ADRA1B: variants seen among roughly 807,000 people sequenced by gnomAD.
ADRA1B encodes the protein alpha-1B adrenergic receptor.
A neutral mutation model predicts 17.9 loss-of-function variants in ADRA1B; 17 were observed. The ratio of observed to expected loss-of-function variants is 0.95; its 90% CI spans 0.65 to 1.42. ADRA1B has a LOEUF of 1.42. ADRA1B is among the 40% of genes most tolerant of loss of function. The pLI is 0.00. For missense variants in ADRA1B, 681 were observed against 722.1 expected (o/e 0.94, Z 0.65); for synonymous variants, 366 against 327.6 (o/e 1.12, Z -1.27).
chr5:159,910,870 T>C (rs938233926), intron 1 of ADRA1B, among the ~76,000 whole-genome samples: 1 of 152,184 alleles, frequency 6.6e-6, no homozygotes, highest in African/African-American at 2.4e-5. Flanking sequence ...CCTATTGCCA[T>C]AGGTATTTTT....
At chr5:159,950,465 T>A (rs1302966907) in intron 1 of ADRA1B, 4 of 1,201,170 alleles carry the variant, frequency 3.3e-6, no homozygotes, top group Non-Finnish European at 4.9e-6. Context: ...CCTCTCATGC[T>A]CTCACTGGGG....
At chr5:159,982,249 T>C in the ADRA1B span, among the ~76,000 whole-genome samples, 1 of 152,236 alleles carries the variant, frequency 6.6e-6, no homozygotes, top group Non-Finnish European at 1.5e-5. Context: ...ACCTAACAGG[T>C]GCCCTAGAAA....
At chr5:159,904,095 G>A (rs62377664) in intron 1 of ADRA1B, among the ~76,000 whole-genome samples, 49,798 of 152,164 alleles carry the variant, frequency 0.33, 10,025 homozygotes, top group Non-Finnish European at 0.46. Flanking sequence ...TCTTTCCATA[G>A]TTTTGCAATG....
At chr5:159,978,098 A>T in the ADRA1B span, among the ~76,000 whole-genome samples, 1 of 151,894 alleles carries the variant, frequency 6.6e-6, no homozygotes, top group African/African-American at 2.4e-5. Flanking sequence ...TATATTTTTT[A>T]AATTTATTTA....
At chr5:159,947,554 G>T (rs571750334) in intron 1 of ADRA1B, 1 of 238,220 alleles carries the variant, frequency 4.2e-6, no homozygotes, top group Non-Finnish European at 6.8e-6. Flanking sequence ...TCAATACTTG[G>T]TTGTTGCAAT....
chr5:159,882,616 G>C (rs141818745), intron 1 of ADRA1B, among the ~76,000 whole-genome samples: 59 of 152,282 alleles, frequency 3.9e-4, no homozygotes, highest in Non-Finnish European at 7.1e-4. Flanking sequence ...TCTTCCACCT[G>C]CAGCAAAGCG....
At chr5:159,923,627 C>T (rs965981313) in intron 1 of ADRA1B, among the ~76,000 whole-genome samples, 7 of 152,272 alleles carry the variant, frequency 4.6e-5, no homozygotes, top group African/African-American at 1.7e-4. Context: ...ATGCGAGGAA[C>T]AATCTGCCAG....
chr5:159,888,878 C>CT (rs1753953913), intron 1 of ADRA1B, among the ~76,000 whole-genome samples: 1 of 152,242 alleles, frequency 6.6e-6, no homozygotes, highest in Admixed American at 6.5e-5. Flanking sequence ...TTTACCTGAA[C>CT]TTCGGCTTAC....
chr5:159,983,222 A>G, the ADRA1B span, among the ~76,000 whole-genome samples: 2 of 152,136 alleles, frequency 1.3e-5, no homozygotes, highest in African/African-American at 4.8e-5. Flanking sequence ...GGACTTCCCT[A>G]TCCCAACCAG....
chr5:159,891,754 G>A (rs548982688), intron 1 of ADRA1B, among the ~76,000 whole-genome samples: 1 of 152,298 alleles, frequency 6.6e-6, no homozygotes, highest in East Asian at 1.9e-4. Context: ...CATGCAACAA[G>A]GGCAAAGTGG....
intron 1 of ADRA1B, among the ~76,000 whole-genome samples, chr5:159,952,305 G>A (rs1305489473): frequency 6.6e-6 from 1 of 152,066 alleles, no homozygotes; most frequent in Non-Finnish European, 1.5e-5. Context: ...ATGAGGTTAA[G>A]AATAATAATA....
At chr5:159,908,546 C>T (rs1406200454) in intron 1 of ADRA1B, among the ~76,000 whole-genome samples, 1 of 152,168 alleles carries the variant, frequency 6.6e-6, no homozygotes, top group African/African-American at 2.4e-5. Context: ...GCTTCCCTTC[C>T]CCTTCCACTA....
chr5:159,901,412 G>A (rs1446454586), intron 1 of ADRA1B, among the ~76,000 whole-genome samples: 3 of 114,274 alleles, frequency 2.6e-5, no homozygotes, highest in South Asian at 4.1e-4. Flanking sequence ...AGGAAGGGGA[G>A]GAGAAGGGGG....
In ADRA1B at chr5:159,962,769, CA is replaced by C. The variant is rs563689129; in HGVS notation, c.950-9108del. 5.1e-3 allele frequency among the ~76,000 whole-genome samples: 749 copies of C among 145,810 alleles called. 3 individuals carry two copies. The highest frequency in any genetic ancestry group is 0.016 in the African/African-American group (610 of 39,312). On this transcript the variant is annotated intron_variant, in intron 1 of 1. Coordinates refer to ENST00000306675, the MANE Select transcript of ADRA1B (RefSeq NM_000679.4). ...CACTTCAGCCTCAACCTCCTGAGCTCAAGCAATCCTCCCACCTCAGCCTCCC... is the reference window on the plus strand; with the variant it reads ...CACTTCAGCCTCAACCTCCTGAGCTCAGCAATCCTCCCACCTCAGCCTCCC...
upstream of ADRA1B, among the ~76,000 whole-genome samples, chr5:159,912,577 T>C (rs1043288782): frequency 6.6e-6 from 1 of 152,236 alleles, no homozygotes; most frequent in African/African-American, 2.4e-5. Flanking sequence ...CAGGCTAACA[T>C]TGAACCTTCT....
chr5:159,881,299 T>TTCTCTCTCTCTC lies in ADRA1B; in HGVS notation c.-256+16129_-256+16140dup, dbSNP rs11471058. ...GTGGAATGAGAACAATATCAGAAAGTTCTCTCTCTCTCTCTCTCTCTCTCT... is the reference window on the plus strand; with the variant it reads ...GTGGAATGAGAACAATATCAGAAAGTTCTCTCTCTCTCTCTCTCTCTCTCTCTCTCTCTCTCT... On this transcript the variant is annotated intron_variant, in intron 1 of 2. Transcript: ENST00000641205. 4.2e-4 allele frequency among the ~76,000 whole-genome samples: 56 copies of TTCTCTCTCTCTC among 132,004 alleles called. 5 individuals carry two copies. Among genetic ancestry groups the TTCTCTCTCTCTC allele is most frequent in the Non-Finnish European group, 5.6e-4 (34 of 60,532 alleles). The allele number at this position is 132,004 out of a possible 152,430, so 86.6% of individuals were successfully genotyped here. A position where few individuals can be genotyped will look rare whatever the true frequency, so the allele number is the denominator to read the frequency against.
chr5:159,879,265 C>T (rs115158747), intron 1 of ADRA1B, among the ~76,000 whole-genome samples: 3,306 of 152,220 alleles, frequency 0.022, 123 homozygotes, highest in African/African-American at 0.075. Context: ...GGCCCAGTGA[C>T]TGACGATGGA....
rs999387219 is a variant in ADRA1B, at chr5:159,934,756, C to A, written c.949+16902C>A. On this transcript the variant is annotated intron_variant, in intron 1 of 1. Coordinates refer to ENST00000306675, the MANE Select transcript of ADRA1B (RefSeq NM_000679.4). ...CCCAGGAGGTGGAGGGTGGAGGTTGCAGTAAGCGCCGAGATTGCACCACTG... is the reference window on the plus strand; with the variant it reads ...CCCAGGAGGTGGAGGGTGGAGGTTGAAGTAAGCGCCGAGATTGCACCACTG... Among the ~76,000 whole-genome samples the A allele has an allele frequency of 6.0e-5, 9 of 150,062 alleles. No individual in the cohort carries two copies. The Admixed American group carries it at 6.0e-4, about 10-fold the overall frequency.
chr5:159,985,126 CT>C, the ADRA1B span, among the ~76,000 whole-genome samples: 2 of 152,064 alleles, frequency 1.3e-5, no homozygotes, highest in South Asian at 4.1e-4. Flanking sequence ...GGCCTTTGCT[CT>C]TGCTGTTTCC....
Sources: gnomAD v4.1 joint callset for allele counts (sites outside exome capture counted in the v4.1 genomes callset) on GRCh38, gnomAD v4.1.1 for gene constraint, MANE v1.5 for transcripts, NCBI Gene and HGNC (gene_info 2026-07-23, HGNC 2026-07-21) for gene names.